The following MCF2L variants were observed in gnomAD, a reference collection of about 807,000 sequenced individuals.
MCF2L encodes guanine nucleotide exchange factor DBS.
MCF2L carries 97 observed loss-of-function variants against 153.4 expected under a neutral mutation model. That is an observed-to-expected ratio of 0.63 (90% confidence interval 0.54 to 0.75). The LOEUF (loss-of-function observed/expected upper bound fraction) is 0.75, where lower values mean the gene tolerates loss of function less well. Ranked by LOEUF, MCF2L falls within the 30% of genes least tolerant of loss-of-function variation. The pLI, the probability that MCF2L is intolerant of heterozygous loss-of-function variation, is 0.00. For missense variants in MCF2L, 1,347 were observed against 1,495.2 expected (o/e 0.90, Z 1.64); for synonymous variants, 659 against 632.2 (o/e 1.04, Z -0.64).
rs1415782297 is a variant in MCF2L at position 113,056,798 on chromosome 13, G to A, written c.370-3795G>A. On this transcript the variant is annotated intron_variant, in intron 4 of 29. Transcript: ENST00000535094. ...CTGAGTGTTTTGGCACTGAGTGTTT[G>A]GGTGCTGTGTGTTTGGGTGCTGAGT... is the stretch of plus-strand genomic sequence containing the variant. Among the ~76,000 whole-genome samples, 321 of 144,312 alleles carry A rather than the reference G, an allele frequency of 2.2e-3. 1 individual carries two copies. The highest frequency in any genetic ancestry group is 7.4e-3 in the African/African-American group (277 of 37,326). The allele number at this position is 144,312 out of a possible 152,430, so 94.7% of individuals were successfully genotyped here. A position where few individuals can be genotyped will look rare whatever the true frequency, so the allele number is the denominator to read the frequency against.
intron 1 of MCF2L, among the ~76,000 whole-genome samples, chr13:112,998,380 C>T (rs1329678111): frequency 6.6e-6 from 1 of 152,112 alleles, no homozygotes; most frequent in Non-Finnish European, 1.5e-5. Flanking sequence ...GGCCGTGAGC[C>T]ACAGGCCTGG....
intron 1 of MCF2L, among the ~76,000 whole-genome samples, chr13:112,978,658 C>T (rs1018691953): frequency 2.0e-5 from 3 of 152,192 alleles, no homozygotes; most frequent in Non-Finnish European, 4.4e-5. Flanking sequence ...ACTCAGTAAA[C>T]AATGTTGAAT....
rs1223981817 is a variant in MCF2L, at chr13:113,030,348, G to A, written c.278+5590G>A. On this transcript the variant is annotated intron_variant, in intron 3 of 29. Transcript: ENST00000535094. ...CAGGTGTCTGCCGACGCCCGGTGTGGACTCTCAGGTGTCCGCTGACGCAGG... is the reference window on the plus strand; with the variant it reads ...CAGGTGTCTGCCGACGCCCGGTGTGAACTCTCAGGTGTCCGCTGACGCAGG... Among the ~76,000 whole-genome samples the A allele has an allele frequency of 5.9e-3, 829 of 140,464 alleles. 2 individuals carry two copies. Among genetic ancestry groups the A allele is most frequent in the East Asian group, 0.013 (53 of 4,150 alleles). 92.1% of individuals were successfully genotyped at this position (140,464 alleles called of 152,430 possible). A position where few individuals can be genotyped will look rare whatever the true frequency, so the allele number is the denominator to read the frequency against.
In MCF2L at chr13:113,087,454, A is replaced by C. The variant is rs752892445; in HGVS notation, c.2593A>C (p.Asn865His). 1 of 1,600,734 alleles carries C rather than the reference A, an allele frequency of 6.2e-7. No homozygotes were observed. Among genetic ancestry groups the C allele is most frequent in the Non-Finnish European group, 8.5e-7 (1 of 1,171,188 alleles). The change falls in exon 22 of 30, where the codon AAC becomes CAC. Residue 865 changes from asparagine to histidine, a missense_variant and splice_region_variant. Around this residue, in one of 3 missense-constraint regions of MCF2L, gnomAD observed 144 missense variants for 238.7 expected, o/e 0.60. Coordinates refer to ENST00000535094, the MANE Select transcript of MCF2L (RefSeq NM_001112732.3). Reference protein sequence around the residue: ...APSYSYKQSLNMAAVGITENV... With the variant: ...APSYSYKQSLHMAAVGITENV... ...CTCCTACAGCTACAAGCAGTCCTTA[A>C]ACGTAAGTGAGGCCGGGTCTGCAGC... is the stretch of plus-strand genomic sequence containing the variant.
At chr13:112,998,726 G>A (rs76064870) in intron 1 of MCF2L, among the ~76,000 whole-genome samples, 1,898 of 152,308 alleles carry the variant, frequency 0.012, 45 homozygotes, top group African/African-American at 0.043. Flanking sequence ...CCTCTGCTGT[G>A]GGTGTGGTTT....
rs184568803 is a variant in MCF2L at position 113,027,998 on chromosome 13, G to A, written c.278+3240G>A. 1.3e-5 allele frequency among the ~76,000 whole-genome samples: 2 copies of A among 151,632 alleles called. No individual in the cohort carries two copies. The highest frequency in any genetic ancestry group is 4.9e-5 in the African/African-American group (2 of 40,952). Reference sequence around the variant, plus strand: ...GACGGCCGGCCTGACAGGTACATCCGCCCCCTGATGGCACCTCCTGGCATG... The same window carrying A: ...GACGGCCGGCCTGACAGGTACATCCACCCCCTGATGGCACCTCCTGGCATG... On this transcript the variant is annotated intron_variant, in intron 3 of 29. Coordinates refer to ENST00000535094, the MANE Select transcript of MCF2L (RefSeq NM_001112732.3). The surrounding 1 kb of genome is among the most constrained non-coding windows in gnomAD (Gnocchi z 4.8).
intron 2 of MCF2L, among the ~76,000 whole-genome samples, chr13:112,937,407 C>A (rs1335786541): frequency 1.3e-5 from 2 of 152,148 alleles, no homozygotes; most frequent in Non-Finnish European, 2.9e-5. Context: ...AAATTTAGAA[C>A]ATTTTCTTAA....
At chr13:112,974,729 G>T (rs996910584) in intron 1 of MCF2L, among the ~76,000 whole-genome samples, 5 of 152,104 alleles carry the variant, frequency 3.3e-5, no homozygotes, top group East Asian at 1.9e-4. Flanking sequence ...AAAAAACAAG[G>T]CATAAGCATC....
chr13:113,060,213 T>A (rs1280413146), intron 4 of MCF2L, among the ~76,000 whole-genome samples: 1 of 152,186 alleles, frequency 6.6e-6, no homozygotes, highest in African/African-American at 2.4e-5. Flanking sequence ...ATGACCTCAC[T>A]TTAGCTTGGT....
At chr13:112,949,362 G>A (rs1443768687) in intron 2 of MCF2L, among the ~76,000 whole-genome samples, 1 of 152,120 alleles carries the variant, frequency 6.6e-6, no homozygotes, top group Non-Finnish European at 1.5e-5. Flanking sequence ...TAGAGGAGGA[G>A]GCAATACTTC....
intron 27 of MCF2L, chr13:113,094,997 C>T: frequency 7.3e-7 from 1 of 1,377,538 alleles, no homozygotes; most frequent in East Asian, 4.4e-5. Flanking sequence ...GTAGAGCCCA[C>T]TCGTGGGTGC....
At chr13:113,044,566 T>C (rs1184587873) in intron 3 of MCF2L, 1 of 1,507,132 alleles carries the variant, frequency 6.6e-7, no homozygotes, top group Non-Finnish European at 8.9e-7. Context: ...GATTGGCTGG[T>C]GGTAGCAGCT....
chr13:112,903,245 C>T (rs2081137006), intron 2 of MCF2L, among the ~76,000 whole-genome samples: 1 of 152,232 alleles, frequency 6.6e-6, no homozygotes, highest in African/African-American at 2.4e-5. Flanking sequence ...ATTCTGCTGC[C>T]TGCTCTAAAT....
chr13:113,085,230 T>C (rs1381965619), intron 20 of MCF2L, 52 bp downstream of exon 20: 1 of 1,555,440 alleles, frequency 6.4e-7, no homozygotes, highest in Admixed American at 1.7e-5. Context: ...GCTGGCCAGG[T>C]GTCTGTGCCG....
chr13:112,904,375 C>T lies in MCF2L; in HGVS notation c.169+2004C>T, dbSNP rs1168391654. ...CCTGGGCCCACGCTCTGGCTTTGTT[C>T]CTGCCCCTGCTGACCCCACAAGCTT... On this transcript the variant is annotated intron_variant, in intron 2 of 29. Coordinates refer to the MCF2L transcript ENST00000375608. The surrounding 1 kb of genome is among the most constrained non-coding windows in gnomAD (Gnocchi z 4.2). Among the ~76,000 whole-genome samples the T allele has an allele frequency of 6.6e-6, 1 of 152,164 alleles. No individual in the cohort carries two copies. The highest frequency in any genetic ancestry group is 1.5e-5 in the Non-Finnish European group (1 of 68,020).
rs74787395 is a variant in MCF2L at position 113,085,365 on chromosome 13, G to A, written c.2247+187G>A. Among the ~76,000 whole-genome samples the A allele has an allele frequency of 7.3e-4, 111 of 152,304 alleles. 1 individual carries two copies. The highest frequency in any genetic ancestry group is 2.6e-3 in the African/African-American group (109 of 41,570). On this transcript the variant is annotated intron_variant, in intron 20 of 29. Coordinates refer to ENST00000535094, the MANE Select transcript of MCF2L (RefSeq NM_001112732.3). ...GCGCCACTGTTAGGGGTCTGAGGAC[G>A]CAGGTGAGCAGACGAGTCCCCGTCC...
intron 2 of MCF2L, among the ~76,000 whole-genome samples, chr13:112,925,599 A>G (rs2081393730): frequency 6.6e-6 from 1 of 152,220 alleles, no homozygotes; most frequent in Non-Finnish European, 1.5e-5. Context: ...AAGATCAGGC[A>G]AAACTAGCTT....
chr13:112,977,458 C>T (rs932028995), intron 1 of MCF2L, among the ~76,000 whole-genome samples: 5 of 152,172 alleles, frequency 3.3e-5, no homozygotes, highest in African/African-American at 1.2e-4. Flanking sequence ...GAAGCCAAAG[C>T]TTGTATGAGC....
chr13:113,023,732 G>A (rs921178702), intron 2 of MCF2L, among the ~76,000 whole-genome samples: 6 of 152,156 alleles, frequency 3.9e-5, no homozygotes, highest in Non-Finnish European at 8.8e-5. Flanking sequence ...TTCACTCCAC[G>A]CACGGGGCAC....
Sources: allele counts gnomAD v4.1 joint callset (sites outside exome capture counted in the v4.1 genomes callset), GRCh38; gene constraint gnomAD v4.1.1; regional missense constraint gnomAD v4.1.1; non-coding constraint Gnocchi (gnomAD v3.1); transcripts MANE v1.5; gene names NCBI Gene and HGNC (gene_info 2026-07-23, HGNC 2026-07-21).